The following SLC25A21 variants were observed in gnomAD, a reference collection of about 807,000 sequenced individuals.
The protein encoded by SLC25A21 is solute carrier family 25 member 21, also known as mitochondrial 2-oxodicarboxylate carrier.
SLC25A21 carries 47 observed loss-of-function variants against 43.8 expected under a neutral mutation model. That is an observed-to-expected ratio of 1.07 (90% CI 0.85 to 1.37). The LOEUF is 1.37. SLC25A21 is among the 40% of genes most tolerant of loss of function. The pLI, the probability that SLC25A21 is intolerant of heterozygous loss-of-function variation, is 0.00. For synonymous variants in SLC25A21, 131 were observed against 121.3 expected (o/e 1.08, Z -0.52); for missense variants, 352 against 350.2 (o/e 1.00, Z -0.04).
At chr14:37,051,362 T>C (rs576529977) in intron 1 of SLC25A21, among the ~76,000 whole-genome samples, 2 of 152,200 alleles carry the variant, frequency 1.3e-5, no homozygotes, top group Non-Finnish European at 2.9e-5. Context: ...ACGTGACTCA[T>C]GAATGTACTG....
At chr14:37,167,905 C>T (rs1964057218) in intron 1 of SLC25A21, among the ~76,000 whole-genome samples, 1 of 151,860 alleles carries the variant, frequency 6.6e-6, no homozygotes, top group Non-Finnish European at 1.5e-5. Context: ...GCTCCCCCCA[C>T]CCCCTAATGC....
intron 1 of SLC25A21, among the ~76,000 whole-genome samples, chr14:37,145,019 A>G (rs1041271901): frequency 2.0e-5 from 3 of 152,128 alleles, no homozygotes; most frequent in African/African-American, 7.2e-5. Context: ...TCCATTAATA[A>G]TAACTAACAC....
rs71124784 is a variant in SLC25A21 at position 36,903,614 on chromosome 14, G to GAAAAAAAAAAAAAAA, written c.71-28625_71-28611dup. ...GGTGACAGAGTGAGACTCCGTCTCA[G>GAAAAAAAAAAAAAAA]AAAAAAAAAAAAAAAAAAAAAAAAA... On this transcript the variant is annotated intron_variant, in intron 1 of 9. Coordinates refer to ENST00000331299, the MANE Select transcript of SLC25A21 (RefSeq NM_030631.4). Among the ~76,000 whole-genome samples, 4 of 50,434 alleles carry GAAAAAAAAAAAAAAA rather than the reference G, an allele frequency of 7.9e-5. 1 individual carries two copies. The highest frequency in any genetic ancestry group is 3.7e-4 in the African/African-American group (4 of 10,948). 33.1% of individuals were successfully genotyped at this position (50,434 alleles called of 152,430 possible). A position where few individuals can be genotyped will look rare whatever the true frequency, so the allele number is the denominator to read the frequency against.
intron 1 of SLC25A21, among the ~76,000 whole-genome samples, chr14:36,952,921 C>T (rs965023571): frequency 6.6e-6 from 1 of 152,164 alleles, no homozygotes; most frequent in African/African-American, 2.4e-5. Context: ...ATTTACAGAG[C>T]ATTTAGATCT....
At chr14:36,764,192 G>GAAAGAAAGAAAGAGAA (rs141041432) in intron 3 of SLC25A21, among the ~76,000 whole-genome samples, 2 of 55,282 alleles carry the variant, frequency 3.6e-5, no homozygotes, top group Non-Finnish European at 7.3e-5. Flanking sequence ...AAGAAAGAAA[G>GAAAGAAAGAAAGAGAA]AGAAAGAAAG....
At chr14:36,720,897 A>G (rs1200406639) in intron 6 of SLC25A21, among the ~76,000 whole-genome samples, 1 of 152,214 alleles carries the variant, frequency 6.6e-6, no homozygotes. Context: ...CCAGTCCGTA[A>G]GCCTTGATAA....
rs376753481 is a variant in SLC25A21 at position 37,009,272 on chromosome 14, G to C, written c.71-134268C>G. ...GGAGGCTGAGGTGGGTGAATCATAT[G>C]AGGTCAGGAGTTTGAGACCAGCCTG... On this transcript the variant is annotated intron_variant, in intron 1 of 9. Transcript: ENST00000331299. Among the ~76,000 whole-genome samples, 11 of 152,288 alleles carry C rather than the reference G, an allele frequency of 7.2e-5. 1 individual carries two copies. In the South Asian group the frequency reaches 2.3e-3, roughly 32 times the overall value.
chr14:36,871,068 C>T (rs1325538), intron 2 of SLC25A21: 66,962 of 152,086 alleles, frequency 0.44, 16,110 homozygotes, highest in Non-Finnish European at 0.52. Context: ...TCAAACAGAG[C>T]TTCTTTCAGT....
At chr14:37,079,943 T>TTTTC (rs1962353546) in intron 1 of SLC25A21, among the ~76,000 whole-genome samples, 1 of 151,956 alleles carries the variant, frequency 6.6e-6, no homozygotes, top group African/African-American at 2.4e-5. Flanking sequence ...AAGAGTGCCC[T>TTTTC]TATAGAAGAG....
At chr14:37,027,245 T>C (rs148362601) in intron 1 of SLC25A21, among the ~76,000 whole-genome samples, 105 of 112,308 alleles carry the variant, frequency 9.3e-4, no homozygotes, top group Admixed American at 7.2e-3. Context: ...ACTTGACAGC[T>C]AATACATCTA....
chr14:36,688,464 C>T (rs908158843), intron 7 of SLC25A21, among the ~76,000 whole-genome samples: 3 of 152,216 alleles, frequency 2.0e-5, no homozygotes, highest in African/African-American at 7.2e-5. Flanking sequence ...ATGCTCGGAG[C>T]TGAAGAAAGC....
chr14:36,916,139 T>A (rs1253755956), intron 1 of SLC25A21, among the ~76,000 whole-genome samples: 1 of 152,202 alleles, frequency 6.6e-6, no homozygotes, highest in South Asian at 2.1e-4. Flanking sequence ...ATTAAAGCAT[T>A]TCCTAGATTC....
chr14:36,774,477 C>T (rs185164425), intron 3 of SLC25A21, among the ~76,000 whole-genome samples: 20 of 152,242 alleles, frequency 1.3e-4, no homozygotes, highest in Non-Finnish European at 2.8e-4. Flanking sequence ...ACTGATAGAT[C>T]GTTAGGTAGA....
At chr14:36,773,493 G>A (rs1029741061) in intron 3 of SLC25A21, among the ~76,000 whole-genome samples, 2 of 152,092 alleles carry the variant, frequency 1.3e-5, no homozygotes, top group African/African-American at 2.4e-5. Context: ...AAAACAACAT[G>A]GATCTATTGA....
chr14:36,911,012 T>C (rs1298562041), intron 1 of SLC25A21, among the ~76,000 whole-genome samples: 4 of 152,198 alleles, frequency 2.6e-5, no homozygotes, highest in Admixed American at 2.6e-4. Flanking sequence ...CCCAGCCTGT[T>C]AGTTTTCTCA....
intron 1 of SLC25A21, among the ~76,000 whole-genome samples, chr14:37,118,090 G>A (rs1179077893): frequency 6.6e-6 from 1 of 152,022 alleles, no homozygotes; most frequent in African/African-American, 2.4e-5. Context: ...GAGGATGGTA[G>A]GAACCCGAAT....
At chr14:37,031,416 T>C (rs1961208129) in intron 1 of SLC25A21, among the ~76,000 whole-genome samples, 1 of 152,194 alleles carries the variant, frequency 6.6e-6, no homozygotes, top group Non-Finnish European at 1.5e-5. Context: ...TCATGTTAGG[T>C]TTTTAAAATT....
At chr14:36,796,532 T>C (rs1053478073) in intron 3 of SLC25A21, among the ~76,000 whole-genome samples, 1 of 152,044 alleles carries the variant, frequency 6.6e-6, no homozygotes, top group African/African-American at 2.4e-5. Context: ...CTCCATCAGA[T>C]CCCAGGGACA....
chr14:36,793,708 G>A (rs924204358), intron 3 of SLC25A21, among the ~76,000 whole-genome samples: 1 of 151,968 alleles, frequency 6.6e-6, no homozygotes, highest in Non-Finnish European at 1.5e-5. Context: ...AAAAATCCAC[G>A]TGCAGTTTCC....
Sources: gnomAD v4.1 joint callset for allele counts (sites outside exome capture counted in the v4.1 genomes callset) on GRCh38, gnomAD v4.1.1 for gene constraint, MANE v1.5 for transcripts, NCBI Gene and HGNC (gene_info 2026-07-23, HGNC 2026-07-21) for gene names.